RNF34: variants seen among roughly 807,000 people sequenced by gnomAD.
The protein encoded by RNF34 is ring finger protein 34, also known as E3 ubiquitin-protein ligase RNF34.
In RNF34, 12 loss-of-function variants were observed where a neutral mutation model predicts 37.9. That is an observed-to-expected ratio of 0.32 (90% CI 0.20 to 0.51). The LOEUF (loss-of-function observed/expected upper bound fraction) is 0.51, where lower values mean the gene tolerates loss of function less well. Among genes scored for constraint, RNF34 ranks in the 20% least tolerant of loss-of-function variants. RNF34 has a pLI of 0.97. For missense variants in RNF34, 362 were observed against 472.7 expected, an observed-to-expected ratio of 0.77 and a Z score of 2.17; for synonymous variants, 155 against 177.2, an observed-to-expected ratio of 0.87 and a Z score of 1.00.
chr12:121,401,977 A>G (rs1180496126), intron 1 of RNF34, among the ~76,000 whole-genome samples: 2 of 152,200 alleles, frequency 1.3e-5, no homozygotes, highest in Non-Finnish European at 2.9e-5. Context: ...TTAAATGTTT[A>G]TTATTTAACT....
chr12:121,409,214 A>T (rs1325605012), intron 1 of RNF34, among the ~76,000 whole-genome samples: 2 of 152,188 alleles, frequency 1.3e-5, no homozygotes, highest in African/African-American at 4.8e-5. Flanking sequence ...TCCTGTCCTC[A>T]GGTGACCTGC....
rs1250661282 is a variant in RNF34, at chr12:121,417,267, CAA to C, written c.226-236_226-235del. On this transcript the variant is annotated intron_variant, in intron 2 of 5. Transcript: ENST00000361234. This position sits in a 1 kb window ranked among gnomAD's most constrained non-coding sequence, Gnocchi z 5.0. Reference sequence around the variant, plus strand: ...GTGGAAAGGTTTTAATTCATTAACACAAGAGTGTGTTTTTCTTAAAGTCCTAT... The same window carrying C: ...GTGGAAAGGTTTTAATTCATTAACACGAGTGTGTTTTTCTTAAAGTCCTAT... Among the ~76,000 whole-genome samples, 4 of 152,228 alleles carry C rather than the reference CAA, an allele frequency of 2.6e-5. No homozygotes were observed. Among genetic ancestry groups the C allele is most frequent in the African/African-American group, 9.6e-5 (4 of 41,464 alleles).
intron 1 of RNF34, among the ~76,000 whole-genome samples, chr12:121,408,355 T>C (rs1206077929): frequency 6.6e-6 from 1 of 152,084 alleles, no homozygotes; most frequent in Non-Finnish European, 1.5e-5. Flanking sequence ...GGCACAAGAA[T>C]CACTTGAACT....
At chr12:121,401,696 C>T (rs1447727541) in intron 1 of RNF34, among the ~76,000 whole-genome samples, 2 of 151,882 alleles carry the variant, frequency 1.3e-5, no homozygotes, top group Admixed American at 1.3e-4. Flanking sequence ...AACTAGCTAT[C>T]GAAGGAAAGA....
intron 5 of RNF34, among the ~76,000 whole-genome samples, chr12:121,422,658 C>T (rs1555283595): frequency 2.0e-5 from 3 of 152,240 alleles, no homozygotes; most frequent in African/African-American, 7.2e-5. Context: ...TCCCTTTGAT[C>T]TCCTCTGACC....
intron 1 of RNF34, 23 bp downstream of exon 1, chr12:121,400,241 C>CT: frequency 6.2e-7 from 1 of 1,607,228 alleles, no homozygotes; most frequent in Non-Finnish European, 8.5e-7. Context: ...TGGAGCCGGA[C>CT]AGACCCTCCT....
intron 1 of RNF34, chr12:121,409,914 G>A (rs1693976144): frequency 6.6e-6 from 1 of 152,320 alleles, no homozygotes; most frequent in Non-Finnish European, 1.5e-5. Context: ...CCAGCACTTT[G>A]GGAAGCCGAG....
chr12:121,420,371 T>A (rs1251980728), intron 4 of RNF34, 37 bp downstream of exon 4: 1 of 1,554,550 alleles, frequency 6.4e-7, no homozygotes, highest in East Asian at 2.4e-5. Context: ...CCCTGACATG[T>A]CAGCCTGACA....
intron 1 of RNF34, chr12:121,402,723 C>CTT: frequency 8.0e-6 from 12 of 1,504,890 alleles, no homozygotes; most frequent in South Asian, 2.4e-5. Flanking sequence ...ATTCCTTTTC[C>CTT]TTTTTTTTTC....
chr12:121,418,958 T>C (rs1871836892), intron 3 of RNF34, among the ~76,000 whole-genome samples: 1 of 152,182 alleles, frequency 6.6e-6, no homozygotes, highest in South Asian at 2.1e-4. Context: ...CTACCTGCCT[T>C]GGCCTAAGTG....
In RNF34 at chr12:121,407,777, A is replaced by C. The variant is rs368558209; in HGVS notation, c.6+7559A>C. Among the ~76,000 whole-genome samples the C allele has an allele frequency of 3.9e-4, 60 of 152,338 alleles. No homozygotes were observed. The South Asian group carries it at 7.2e-3, about 18-fold the overall frequency. On this transcript the variant is annotated intron_variant, in intron 1 of 5. Transcript: ENST00000361234. ...TGAACTTAGGTCTCTAAAGCTTTTA[A>C]AAGGAGGGTGCAGAAGAGGGATCCT...
At chr12:121,409,527 C>G (rs979692608) in intron 1 of RNF34, 1 of 152,192 alleles carries the variant, frequency 6.6e-6, no homozygotes, top group Non-Finnish European at 1.5e-5. Flanking sequence ...TTTGACTGAG[C>G]AGGTCTTAAG....
In RNF34 at chr12:121,411,944, T is replaced by C. The variant is rs547338011; in HGVS notation, c.7-4215T>C. On this transcript the variant is annotated intron_variant, in intron 1 of 5. Transcript: ENST00000361234. The stretch of plus-strand genomic sequence containing the variant: ...TACTTTCTGCAGTTGAGGTATTTTT[T>C]TCCCCAAAAAATGTAACGTGCAAAC... Among the ~76,000 whole-genome samples, 50 of 152,324 alleles carry C rather than the reference T, an allele frequency of 3.3e-4. No individual in the cohort carries two copies. In the South Asian group the frequency reaches 0.01, roughly 31 times the overall value.
At chr12:121,420,527 G>A in intron 4 of RNF34, 50 bp from the exon 5 acceptor site, 1 of 1,594,824 alleles carries the variant, frequency 6.3e-7, no homozygotes, top group East Asian at 2.2e-5. Flanking sequence ...TTAGAGTGGG[G>A]AGGGTCTGGA....
chr12:121,419,243 C>CA (rs1871869472), intron 3 of RNF34, among the ~76,000 whole-genome samples: 2 of 152,180 alleles, frequency 1.3e-5, no homozygotes, highest in Admixed American at 1.3e-4. Flanking sequence ...AGTACACTAA[C>CA]GTGATGTACG....
Position 121,417,830 on chromosome 12 carries a change from A to C in RNF34, c.552A>C (p.Thr184=), listed in dbSNP as rs782803170. ...CACGTTCGTTTTTTTCAAACTATACAGCCCCCTCTGCTACTATGTCTTCGT... is the reference window on the plus strand; with the variant it reads ...CACGTTCGTTTTTTTCAAACTATACCGCCCCCTCTGCTACTATGTCTTCGT... ...FFTRSFFSNY[T]APSATMSSFQ... The change falls in exon 3 of 6, where the codon ACA becomes ACC. Residue 184 remains threonine (T), a synonymous_variant. Transcript: ENST00000361234. This position sits in a 1 kb window ranked among gnomAD's most constrained non-coding sequence, Gnocchi z 5.0. 1.9e-6 allele frequency: 3 copies of C among 1,614,174 alleles called. No homozygotes were observed. The highest frequency in any genetic ancestry group is 1.7e-5 in the Admixed American group (1 of 60,018).
intron 1 of RNF34, among the ~76,000 whole-genome samples, chr12:121,406,941 G>C (rs1593652513): frequency 6.6e-6 from 1 of 152,064 alleles, no homozygotes; most frequent in East Asian, 1.9e-4. Flanking sequence ...TTTAGATTTG[G>C]GGGTACACGT....
intron 1 of RNF34, among the ~76,000 whole-genome samples, chr12:121,404,436 C>T (rs1440450936): frequency 7.9e-6 from 1 of 126,192 alleles, no homozygotes; most frequent in African/African-American, 3.0e-5. Flanking sequence ...TCTTTGTTGC[C>T]CAGGCTGGAG....
intron 1 of RNF34, among the ~76,000 whole-genome samples, chr12:121,407,192 C>T (rs1870626009): frequency 6.6e-6 from 1 of 152,122 alleles, no homozygotes; most frequent in Non-Finnish European, 1.5e-5. Flanking sequence ...AACTAAGGTC[C>T]CCAAGTAGGT....
Sources: allele counts gnomAD v4.1 joint callset (sites outside exome capture counted in the v4.1 genomes callset), GRCh38; gene constraint gnomAD v4.1.1; non-coding constraint Gnocchi (gnomAD v3.1); transcripts MANE v1.5; gene names NCBI Gene and HGNC (gene_info 2026-07-23, HGNC 2026-07-21).